Variants in PPM1L observed in about 807,000 individuals in gnomAD.
The protein encoded by PPM1L is protein phosphatase, Mg2+/Mn2+ dependent 1L, also known as protein phosphatase 1L.
A neutral mutation model predicts 31.4 loss-of-function variants in PPM1L; 13 were observed. That is an observed-to-expected ratio of 0.41 (90% CI 0.27 to 0.66). The LOEUF is 0.66. Among genes scored for constraint, PPM1L ranks in the 30% least tolerant of loss-of-function variants. The pLI is 0.29. For missense variants in PPM1L, 326 were observed against 453.7 expected (o/e 0.72, Z 2.56); for synonymous variants, 184 against 175.4 (o/e 1.05, Z -0.39).
In PPM1L at chr3:160,774,169, T is replaced by G. The variant is rs140313291; in HGVS notation, c.399+17462T>G. On this transcript the variant is annotated intron_variant, in intron 1 of 3. Coordinates refer to ENST00000498165, the MANE Select transcript of PPM1L (RefSeq NM_139245.4). The stretch of plus-strand genomic sequence containing the variant: ...GATTAATTTCCTCTCCAGAGTTGTC[T>G]TTTCTTCTCATGGTCGTGCCTTTAT... Among the ~76,000 whole-genome samples the G allele has an allele frequency of 3.6e-3, 553 of 152,306 alleles. 7 individuals carry two copies. Among genetic ancestry groups the G allele is most frequent in the African/African-American group, 0.013 (529 of 41,568 alleles).
At chr3:161,019,205 C>T (rs1718170284) in intron 2 of PPM1L, among the ~76,000 whole-genome samples, 1 of 152,044 alleles carries the variant, frequency 6.6e-6, no homozygotes, top group African/African-American at 2.4e-5. Flanking sequence ...GTTATTGTTT[C>T]TTGTTAGGAA....
At chr3:160,901,983 G>A (rs1343104752) in intron 1 of PPM1L, among the ~76,000 whole-genome samples, 2 of 152,022 alleles carry the variant, frequency 1.3e-5, no homozygotes, top group East Asian at 3.9e-4. Context: ...ATTTTTCAAT[G>A]CTATATTTCT....
chr3:160,816,251 G>A (rs1187708477), intron 1 of PPM1L, among the ~76,000 whole-genome samples: 3 of 143,624 alleles, frequency 2.1e-5, no homozygotes, highest in Non-Finnish European at 1.5e-5. Context: ...GCAATCAAGA[G>A]CAGTTTCATT....
chr3:161,009,439 T>G (rs1717817988), intron 2 of PPM1L, among the ~76,000 whole-genome samples: 1 of 152,234 alleles, frequency 6.6e-6, no homozygotes, highest in Non-Finnish European at 1.5e-5. Flanking sequence ...AGTGTTTGTT[T>G]TTTAATAGGA....
chr3:160,805,883 G>A (rs6781371), intron 1 of PPM1L, among the ~76,000 whole-genome samples: 83,187 of 152,040 alleles, frequency 0.55, 26,176 homozygotes, highest in African/African-American at 0.87. Context: ...AAACCTGTAA[G>A]TTTCACATAA....
At chr3:160,860,089 T>C (rs185969343) in intron 1 of PPM1L, among the ~76,000 whole-genome samples, 1 of 152,300 alleles carries the variant, frequency 6.6e-6, no homozygotes, top group Admixed American at 6.5e-5. Context: ...GTGTCATTGG[T>C]GATTTGTAGA....
chr3:160,776,479 T>C (rs1711560339), intron 1 of PPM1L, among the ~76,000 whole-genome samples: 1 of 152,192 alleles, frequency 6.6e-6, no homozygotes, highest in African/African-American at 2.4e-5. Context: ...ATTTTTGCCT[T>C]CCTTAAATTG....
intron 1 of PPM1L, among the ~76,000 whole-genome samples, chr3:160,784,682 C>T (rs1045858846): frequency 6.6e-6 from 1 of 152,232 alleles, no homozygotes; most frequent in Admixed American, 6.5e-5. Flanking sequence ...TACATGCTCT[C>T]TCACTCAAAG....
chr3:160,903,351 C>T (rs1713626747), intron 1 of PPM1L, among the ~76,000 whole-genome samples: 1 of 152,006 alleles, frequency 6.6e-6, no homozygotes, highest in Non-Finnish European at 1.5e-5. Context: ...TTCTTTGTTA[C>T]AGTCTTGAGT....
At chr3:160,803,733 A>G (rs1265866079) in intron 1 of PPM1L, among the ~76,000 whole-genome samples, 1 of 152,188 alleles carries the variant, frequency 6.6e-6, no homozygotes, top group Non-Finnish European at 1.5e-5. Flanking sequence ...TTATTTAGCT[A>G]TTTAATTATG....
At chr3:160,859,488 A>G (rs1385029194) in intron 1 of PPM1L, among the ~76,000 whole-genome samples, 1 of 152,196 alleles carries the variant, frequency 6.6e-6, no homozygotes, top group Non-Finnish European at 1.5e-5. Context: ...GGGAAATATC[A>G]GTGTATTTCT....
chr3:160,856,593 G>A (rs901401069), intron 1 of PPM1L, among the ~76,000 whole-genome samples: 2 of 152,086 alleles, frequency 1.3e-5, no homozygotes, highest in African/African-American at 2.4e-5. Context: ...ACTTATAAGT[G>A]GGAGCTAAAC....
intron 2 of PPM1L, among the ~76,000 whole-genome samples, chr3:160,995,470 G>C (rs1717285240): frequency 6.6e-6 from 1 of 152,108 alleles, no homozygotes; most frequent in Admixed American, 6.5e-5. Context: ...ATAGGTGCCT[G>C]CCACCACACC....
chr3:161,037,604 G>A (rs1174529349), intron 2 of PPM1L, among the ~76,000 whole-genome samples: 3 of 105,740 alleles, frequency 2.8e-5, no homozygotes, highest in African/African-American at 1.3e-4. Context: ...TTTTTTTTTG[G>A]TATTTTTAGT....
At chr3:160,757,367 A>C (rs1351299040) in intron 1 of PPM1L, among the ~76,000 whole-genome samples, 1 of 152,258 alleles carries the variant, frequency 6.6e-6, no homozygotes, top group Non-Finnish European at 1.5e-5. Context: ...TGGCCTTTGC[A>C]GAGGTGGCTA....
intron 1 of PPM1L, among the ~76,000 whole-genome samples, chr3:160,903,215 T>C (rs1713619804): frequency 7.7e-6 from 1 of 130,240 alleles, no homozygotes; most frequent in African/African-American, 3.3e-5. Context: ...TGTTTGTGTG[T>C]GTGTGTGTGT....
chr3:161,010,267 C>G (rs1717848491), intron 2 of PPM1L, among the ~76,000 whole-genome samples: 1 of 151,950 alleles, frequency 6.6e-6, no homozygotes, highest in Non-Finnish European at 1.5e-5. Flanking sequence ...GTTTTTTGTC[C>G]TTGTGCTAGT....
chr3:161,065,539 GGAAA>G lies in PPM1L; in HGVS notation c.718_721del (p.Lys240GlyfsTer2). 2 of 1,613,988 alleles carry G rather than the reference GGAAA, an allele frequency of 1.2e-6. No individual in the cohort carries two copies. Among genetic ancestry groups the G allele is most frequent in the Non-Finnish European group, 1.7e-6 (2 of 1,179,940 alleles). Reference sequence around the variant, plus strand: ...ATGATCACAAGCCTTACCAGTTGAAGGAAAGAAAGAGGATAAAGAGAGCAGGTGA... The same window carrying G: ...ATGATCACAAGCCTTACCAGTTGAAGGAAAGAGGATAAAGAGAGCAGGTGA... On this transcript the variant is annotated frameshift_variant, in exon 3 of 4. Coordinates refer to ENST00000498165, the MANE Select transcript of PPM1L (RefSeq NM_139245.4). LOFTEE classifies it high-confidence loss of function.
At chr3:161,046,279 T>C (rs1170428090) in intron 2 of PPM1L, among the ~76,000 whole-genome samples, 1 of 151,686 alleles carries the variant, frequency 6.6e-6, no homozygotes, top group African/African-American at 2.4e-5. Context: ...CCCACAGAAA[T>C]ACAAACTACC....
Sources: allele counts gnomAD v4.1 joint callset (sites outside exome capture counted in the v4.1 genomes callset), GRCh38; gene constraint gnomAD v4.1.1; transcripts MANE v1.5; gene names NCBI Gene and HGNC (gene_info 2026-07-23, HGNC 2026-07-21).